The following SLC45A4 variants were observed in gnomAD, a reference collection of about 807,000 sequenced individuals.
SLC45A4 encodes solute carrier family 45 member 4, also known as polyamine-transporter SLC45A4.
Under a neutral mutation model 63.7 loss-of-function variants are expected in SLC45A4, and 32 were observed. The ratio of observed to expected loss-of-function variants is 0.50; its 90% confidence interval spans 0.38 to 0.67. The LOEUF is 0.67. SLC45A4 is among the 30% of genes least tolerant of loss of function. The pLI is 0.00. For missense variants in SLC45A4, 1,027 were observed against 1,157.7 expected, an observed-to-expected ratio of 0.89 and a Z score of 1.64; for synonymous variants, 535 against 510.0, an observed-to-expected ratio of 1.05 and a Z score of -0.66.
chr8:141,217,485 G>A (rs1011747337), intron 5 of SLC45A4, among the ~76,000 whole-genome samples: 2 of 152,216 alleles, frequency 1.3e-5, no homozygotes, highest in African/African-American at 2.4e-5. Context: ...TGACGCTCCC[G>A]CAGCCTCTGC....
rs866589108 is a variant in SLC45A4 at position 141,218,288 on chromosome 8, G to A, written c.1352C>T (p.Pro451Leu). The change falls in exon 5 of 9, where the codon CCG becomes CTG. Residue 451 changes from proline to leucine, a missense_variant. Pro to Leu is a moderately conservative substitution (Grantham distance 98). Transcript: ENST00000517878. ...GTACAGGTCGCTCATGCTGCGCGAC[G>A]GCTTGATCAGCACCACGGCGTTGGC... Reference protein sequence around the residue: ...RRANAVVLIKPSRSMSDLYDM... With the variant: ...RRANAVVLIKLSRSMSDLYDM... 4 of 1,605,086 alleles carry A rather than the reference G, an allele frequency of 2.5e-6. No homozygotes were observed. Among genetic ancestry groups the A allele is most frequent in the African/African-American group, 2.7e-5 (2 of 74,930 alleles).
intron 1 of SLC45A4, among the ~76,000 whole-genome samples, chr8:141,276,956 C>G (rs1829751260): frequency 6.6e-6 from 1 of 152,248 alleles, no homozygotes; most frequent in Non-Finnish European, 1.5e-5. Context: ...CCGGCCTAAG[C>G]ACTGCCCTCC....
chr8:141,226,276 GAC>G (rs1322283688), intron 2 of SLC45A4: 2 of 152,306 alleles, frequency 1.3e-5, no homozygotes, highest in Admixed American at 1.3e-4. Flanking sequence ...GATCAGTGGA[GAC>G]ACAGAGCCCA....
chr8:141,211,795 G>A (rs1825830971), intron 8 of SLC45A4, 98 bp from the exon 9 acceptor site: 1 of 1,358,674 alleles, frequency 7.4e-7, no homozygotes, highest in East Asian at 2.7e-5. Context: ...GTCAGATTTT[G>A]TTTTCAATTA....
chr8:141,307,897 C>T (rs1456470284), intron 1 of SLC45A4, among the ~76,000 whole-genome samples, 199 bp downstream of exon 1: 2 of 150,312 alleles, frequency 1.3e-5, no homozygotes, highest in East Asian at 2.0e-4. Context: ...AATTGGGGGG[C>T]CCTGAGGAGC....
chr8:141,257,535 T>C (rs191243412), intron 1 of SLC45A4, among the ~76,000 whole-genome samples: 8 of 152,346 alleles, frequency 5.3e-5, no homozygotes, highest in African/African-American at 1.9e-4. Flanking sequence ...CCCATTACAG[T>C]GTCCTCGGAG....
chr8:141,278,074 G>A lies in SLC45A4; in HGVS notation c.-400-23445C>T, dbSNP rs1030665089. Among the ~76,000 whole-genome samples the A allele has an allele frequency of 2.6e-5, 4 of 152,170 alleles. No individual in the cohort carries two copies. Among genetic ancestry groups the A allele is most frequent in the African/African-American group, 4.8e-5 (2 of 41,438 alleles). On this transcript the variant is annotated intron_variant, in intron 1 of 8. Coordinates refer to ENST00000517878, the MANE Select transcript of SLC45A4 (RefSeq NM_001286646.2). The surrounding 1 kb of genome is among the most constrained non-coding windows in gnomAD (Gnocchi z 4.1). Reference sequence around the variant, plus strand: ...CAGATGCATGCCAACATCCATGTCCGACTTATAAGTCACTGTTTTAAATAC... The same window carrying A: ...CAGATGCATGCCAACATCCATGTCCAACTTATAAGTCACTGTTTTAAATAC...
At chr8:141,250,744 G>C (rs1828425923) in intron 2 of SLC45A4, among the ~76,000 whole-genome samples, 1 of 152,170 alleles carries the variant, frequency 6.6e-6, no homozygotes, top group African/African-American at 2.4e-5. Context: ...GGTGCGGTAG[G>C]TGTGTTAAAT....
intron 2 of SLC45A4, among the ~76,000 whole-genome samples, chr8:141,247,700 C>A (rs1442378557): frequency 6.6e-6 from 1 of 152,234 alleles, no homozygotes; most frequent in Non-Finnish European, 1.5e-5. Flanking sequence ...GTGTGAGTCA[C>A]TACGCCTGGC....
chr8:141,254,654 C>T lies in SLC45A4; in HGVS notation c.-400-25G>A, dbSNP rs1322337651. On this transcript the variant is annotated intron_variant, in intron 1 of 8. Transcript: ENST00000517878. This position sits in a 1 kb window ranked among gnomAD's most constrained non-coding sequence, Gnocchi z 4.5. The stretch of plus-strand genomic sequence containing the variant: ...TCTGCAAAAGAGGAAAACAACCCGG[C>T]CAGAGAGTCAGGGGACGGCCACCAG... 1 of 697,120 alleles carries T rather than the reference C, an allele frequency of 1.4e-6. No individual in the cohort carries two copies. The highest frequency in any genetic ancestry group is 2.6e-6 in the Non-Finnish European group (1 of 381,962). The allele number at this position is 697,120 out of a possible 1,614,324, so 43.2% of individuals were successfully genotyped here. A position where few individuals can be genotyped will look rare whatever the true frequency, so the allele number is the denominator to read the frequency against.
intron 2 of SLC45A4, among the ~76,000 whole-genome samples, chr8:141,250,289 G>T (rs113394952): frequency 6.6e-6 from 1 of 151,910 alleles, no homozygotes; most frequent in African/African-American, 2.4e-5. Context: ...ATACACACTG[G>T]TTTTCACTTT....
chr8:141,215,661 C>G lies in SLC45A4; in HGVS notation c.1941+98G>C. On this transcript the variant is annotated intron_variant, in intron 7 of 8. Coordinates refer to ENST00000517878, the MANE Select transcript of SLC45A4 (RefSeq NM_001286646.2). This position sits in a 1 kb window ranked among gnomAD's most constrained non-coding sequence, Gnocchi z 4.3. ...GGAGAGGAAGGAGGGCCATCTGTGTCGTGAACGTCCCCCCGGGGAAGCACA... is the reference window on the plus strand; with the variant it reads ...GGAGAGGAAGGAGGGCCATCTGTGTGGTGAACGTCCCCCCGGGGAAGCACA... 7.9e-7 allele frequency: 1 copy of G among 1,270,496 alleles called. No individual in the cohort carries two copies. The highest frequency in any genetic ancestry group is 1.5e-5 in the African/African-American group (1 of 67,994). The allele number at this position is 1,270,496 out of a possible 1,614,324, so 78.7% of individuals were successfully genotyped here.
Position 141,254,946 on chromosome 8 carries a change from G to C in SLC45A4, c.-400-317C>G, listed in dbSNP as rs1450564884. Among the ~76,000 whole-genome samples, 2 of 152,198 alleles carry C rather than the reference G, an allele frequency of 1.3e-5. No homozygotes were observed. Among genetic ancestry groups the C allele is most frequent in the African/African-American group, 4.8e-5 (2 of 41,424 alleles). ...CCAGTAACAATATCGTCCACCCTGTGTACCACAGCACGTAACTATTCCAGC... is the reference window on the plus strand; with the variant it reads ...CCAGTAACAATATCGTCCACCCTGTCTACCACAGCACGTAACTATTCCAGC... On this transcript the variant is annotated intron_variant, in intron 1 of 8. Transcript: ENST00000517878. The surrounding 1 kb of genome is among the most constrained non-coding windows in gnomAD (Gnocchi z 4.5).
At chr8:141,284,154 A>T (rs11780144) in intron 1 of SLC45A4, among the ~76,000 whole-genome samples, 21,242 of 152,274 alleles carry the variant, frequency 0.14, 1,998 homozygotes, top group East Asian at 0.37. Flanking sequence ...ACCTAGATCA[A>T]CTGTCCACCT....
At chr8:141,213,731 A>G (rs1825973347) in intron 7 of SLC45A4, among the ~76,000 whole-genome samples, 1 of 152,262 alleles carries the variant, frequency 6.6e-6, no homozygotes. Context: ...GGGAGGACTA[A>G]GACGCCGAAA....
At chr8:141,292,123 G>A (rs115314048) in intron 1 of SLC45A4, among the ~76,000 whole-genome samples, 1,798 of 152,286 alleles carry the variant, frequency 0.012, 32 homozygotes, top group African/African-American at 0.036. Flanking sequence ...GCCCCTCACC[G>A]CCCTGGAGCT....
chr8:141,272,273 A>C (rs1829568752), intron 1 of SLC45A4, among the ~76,000 whole-genome samples: 2 of 152,248 alleles, frequency 1.3e-5, no homozygotes, highest in Admixed American at 6.5e-5. Flanking sequence ...AGGTCAGGAC[A>C]GTCCCCAAAA....
chr8:141,271,844 T>C (rs1468974253), intron 1 of SLC45A4, among the ~76,000 whole-genome samples: 1 of 138,852 alleles, frequency 7.2e-6, no homozygotes, highest in Non-Finnish European at 1.6e-5. Context: ...AACACACACC[T>C]GTGTACACAC....
In SLC45A4 at chr8:141,227,956, G is replaced by A. The variant is rs754735059; in HGVS notation, c.242-6191C>T. 2.6e-5 allele frequency among the ~76,000 whole-genome samples: 4 copies of A among 152,198 alleles called. No homozygotes were observed. The highest frequency in any genetic ancestry group is 5.9e-5 in the Non-Finnish European group (4 of 68,046). Reference sequence around the variant, plus strand: ...CTGTGGGAGAATCTGGCATTGAAGGGCCGGGGACAATAAGTTCCCGGGCTT... The same window carrying A: ...CTGTGGGAGAATCTGGCATTGAAGGACCGGGGACAATAAGTTCCCGGGCTT... On this transcript the variant is annotated intron_variant, in intron 2 of 8. Transcript: ENST00000517878. This position sits in a 1 kb window ranked among gnomAD's most constrained non-coding sequence, Gnocchi z 4.4.
Sources: gnomAD v4.1 joint callset for allele counts (sites outside exome capture counted in the v4.1 genomes callset) on GRCh38, gnomAD v4.1.1 for gene constraint, Gnocchi (gnomAD v3.1) non-coding constraint, MANE v1.5 for transcripts, NCBI Gene and HGNC (gene_info 2026-07-23, HGNC 2026-07-21) for gene names.